Variants in WWOX observed in about 807,000 individuals in gnomAD.
The protein encoded by WWOX is WW domain containing oxidoreductase.
In WWOX, 69 loss-of-function variants were observed where a neutral mutation model predicts 46.2. That is an observed-to-expected ratio of 1.49 (90% CI 1.23 to 1.82). The LOEUF is 1.82. WWOX is among the 40% of genes most tolerant of loss of function. The pLI, the probability that WWOX is intolerant of heterozygous loss-of-function variation, is 0.00. For synonymous variants in WWOX, 359 were observed against 202.6 expected, an observed-to-expected ratio of 1.77 and a Z score of -6.56; for missense variants, 919 against 542.6, an observed-to-expected ratio of 1.69 and a Z score of -6.89.
intron 5 of WWOX, among the ~76,000 whole-genome samples, chr16:78,349,515 A>T (rs545029119): frequency 8.3e-6 from 1 of 120,822 alleles, no homozygotes; most frequent in East Asian, 1.9e-4. Context: ...AGAAGAAGCC[A>T]GGAGGAGGTC....
At chr16:78,304,825 T>C (rs1294469648) in intron 5 of WWOX, among the ~76,000 whole-genome samples, 2 of 152,228 alleles carry the variant, frequency 1.3e-5, no homozygotes, top group East Asian at 3.9e-4. Flanking sequence ...CTGTACAATA[T>C]GGCCAACTTT....
rs1033295820 is a variant in WWOX, at chr16:79,170,592, T to A, written c.1057-41016T>A. The stretch of plus-strand genomic sequence containing the variant: ...GGAGCAAATGATTGCTTGATTCTAT[T>A]GTAGAAAATAAAAATTTTTTACTTA... On this transcript the variant is annotated intron_variant, in intron 8 of 8. Transcript: ENST00000566780. Among the ~76,000 whole-genome samples, 3 of 141,868 alleles carry A rather than the reference T, an allele frequency of 2.1e-5. No homozygotes were observed. The Admixed American group carries it at 2.2e-4, about 10-fold the overall frequency. The allele number at this position is 141,868 out of a possible 152,430, so 93.1% of individuals were successfully genotyped here. A position where few individuals can be genotyped will look rare whatever the true frequency, so the allele number is the denominator to read the frequency against.
intron 8 of WWOX, among the ~76,000 whole-genome samples, chr16:78,854,518 C>A (rs570457950): frequency 9.7e-4 from 148 of 152,288 alleles, no homozygotes; most frequent in Middle Eastern, 6.8e-3. Flanking sequence ...AATTGTAACA[C>A]CCCTGGAACA....
intron 8 of WWOX, among the ~76,000 whole-genome samples, chr16:79,005,941 T>A (rs898872859): frequency 6.6e-6 from 1 of 152,160 alleles, no homozygotes; most frequent in Non-Finnish European, 1.5e-5. Flanking sequence ...AACCCATCCA[T>A]ACTCTGGTTA....
rs184868211 is a variant in WWOX, at chr16:78,724,032, T to G, written c.1056+291280T>G. ...GCGGGAGAGGATGCATAGGACTACA[T>G]GTTTTCTGGGCCAGGACTGGAAGCA... On this transcript the variant is annotated intron_variant, in intron 8 of 8. Transcript: ENST00000566780. 9.9e-5 allele frequency among the ~76,000 whole-genome samples: 15 copies of G among 152,250 alleles called. No homozygotes were observed. The East Asian group carries it at 2.1e-3, about 22-fold the overall frequency.
At chr16:78,978,749 G>T (rs2046621992) in intron 8 of WWOX, among the ~76,000 whole-genome samples, 1 of 152,188 alleles carries the variant, frequency 6.6e-6, no homozygotes, top group East Asian at 1.9e-4. Flanking sequence ...CGAATCGCAT[G>T]AGAACTCTCT....
At chr16:78,128,349 A>T (rs1170372570) in intron 4 of WWOX, among the ~76,000 whole-genome samples, 1 of 152,034 alleles carries the variant, frequency 6.6e-6, no homozygotes, top group African/African-American at 2.4e-5. Flanking sequence ...TTTAAAGTTG[A>T]CAGGCTCTGA....
intron 8 of WWOX, among the ~76,000 whole-genome samples, chr16:78,907,821 C>T (rs1021407553): frequency 2.6e-5 from 4 of 152,038 alleles, no homozygotes; most frequent in East Asian, 1.9e-4. Context: ...ACAGGACTAC[C>T]AGGAATCCTC....
At chr16:78,602,149 T>G (rs1428454818) in intron 8 of WWOX, among the ~76,000 whole-genome samples, 1 of 152,244 alleles carries the variant, frequency 6.6e-6, no homozygotes. Context: ...CTCTCTTTAG[T>G]CAGAGCATAG....
At position 79,027,045 on chromosome 16, in the gene WWOX, C is replaced by G. The variant is rs991428221; in HGVS notation, c.1057-184563C>G. 2.2e-4 allele frequency among the ~76,000 whole-genome samples: 33 copies of G among 151,442 alleles called. 2 individuals carry two copies. The highest frequency in any genetic ancestry group is 7.8e-4 in the African/African-American group (32 of 40,922). ...CTGTAATCCCAGCACTTTGGGAGGT[C>G]AAGGCAGGAGGATCACGTGAGCCCA... On this transcript the variant is annotated intron_variant, in intron 8 of 8. Transcript: ENST00000566780.
intron 8 of WWOX, among the ~76,000 whole-genome samples, chr16:78,850,958 C>G (rs1010867208): frequency 6.6e-6 from 1 of 152,156 alleles, no homozygotes; most frequent in Admixed American, 6.5e-5. Context: ...GTGCCAACAC[C>G]TCTCTCAGTA....
intron 8 of WWOX, among the ~76,000 whole-genome samples, chr16:79,089,672 C>G (rs1467420656): frequency 6.6e-6 from 1 of 152,124 alleles, no homozygotes; most frequent in Non-Finnish European, 1.5e-5. Flanking sequence ...ATGACTTCTT[C>G]GAATTGGTGC....
intron 5 of WWOX, among the ~76,000 whole-genome samples, chr16:78,331,238 C>T (rs929307381): frequency 2.0e-5 from 3 of 152,110 alleles, no homozygotes; most frequent in African/African-American, 4.8e-5. Context: ...TTCATGCTTG[C>T]GTTTCTTGCA....
chr16:79,164,615 C>G (rs2050555243), intron 8 of WWOX, among the ~76,000 whole-genome samples: 1 of 152,156 alleles, frequency 6.6e-6, no homozygotes, highest in South Asian at 2.1e-4. Context: ...CCAAAGGTGA[C>G]TCCCCTCACT....
chr16:78,958,386 A>G (rs930408278), intron 8 of WWOX, among the ~76,000 whole-genome samples: 4 of 152,228 alleles, frequency 2.6e-5, no homozygotes, highest in Non-Finnish European at 5.9e-5. Flanking sequence ...ATGGAAATAT[A>G]TACTTACTGT....
At chr16:78,248,671 G>A (rs1325956734) in intron 5 of WWOX, among the ~76,000 whole-genome samples, 1 of 152,014 alleles carries the variant, frequency 6.6e-6, no homozygotes, top group Non-Finnish European at 1.5e-5. Context: ...GGGAGGTGGA[G>A]GTTGCAGTGA....
intron 8 of WWOX, among the ~76,000 whole-genome samples, chr16:78,591,446 C>T (rs1243288403): frequency 6.6e-6 from 1 of 152,186 alleles, no homozygotes; most frequent in African/African-American, 2.4e-5. Flanking sequence ...CTCACACTTT[C>T]CACTCTCTGC....
At position 78,409,299 on chromosome 16, in the gene WWOX, C is replaced by T. The variant is rs1296977852; in HGVS notation, c.606-15571C>T. Among the ~76,000 whole-genome samples the T allele has an allele frequency of 3.9e-5, 6 of 152,086 alleles. No homozygotes were observed. The South Asian group carries it at 6.2e-4, about 16-fold the overall frequency. ...TATGACAAACACAGTCATAGAGCTG[C>T]CATCATCACTGTCAAGATACAGAAC... is the stretch of plus-strand genomic sequence containing the variant. On this transcript the variant is annotated intron_variant, in intron 6 of 8. Transcript: ENST00000566780.
chr16:78,543,809 G>A (rs561473194), intron 8 of WWOX, among the ~76,000 whole-genome samples: 27 of 152,222 alleles, frequency 1.8e-4, no homozygotes, highest in Middle Eastern at 3.4e-3. Flanking sequence ...CCCATAAATT[G>A]CATCTCCCGC....
Sources: allele counts gnomAD v4.1 joint callset (sites outside exome capture counted in the v4.1 genomes callset), GRCh38; gene constraint gnomAD v4.1.1; transcripts MANE v1.5; gene names NCBI Gene and HGNC (gene_info 2026-07-23, HGNC 2026-07-21).